PXDNL: variants seen among roughly 807,000 people sequenced by gnomAD.
PXDNL encodes the protein probable oxidoreductase PXDNL.
A neutral mutation model predicts 150.8 loss-of-function variants in PXDNL; 145 were observed. The observed-to-expected ratio is 0.96, with a 90% confidence interval of 0.84 to 1.10. The LOEUF (loss-of-function observed/expected upper bound fraction) is 1.10, where lower values mean the gene tolerates loss of function less well. Ranked by LOEUF, PXDNL falls within the 50% of genes least tolerant of loss-of-function variation. The pLI, the probability that PXDNL is intolerant of heterozygous loss-of-function variation, is 0.00. For missense variants in PXDNL, 2,087 were observed against 1,873.9 expected (o/e 1.11, Z -2.10); for synonymous variants, 757 against 725.7 (o/e 1.04, Z -0.69).
At chr8:51,539,256 T>A (rs974076385) in intron 4 of PXDNL, among the ~76,000 whole-genome samples, 1 of 152,082 alleles carries the variant, frequency 6.6e-6, no homozygotes, top group African/African-American at 2.4e-5. Flanking sequence ...TCTGTTAATA[T>A]AATAAATTAC....
At chr8:51,395,834 G>A (rs193127170) in intron 17 of PXDNL, among the ~76,000 whole-genome samples, 4 of 152,294 alleles carry the variant, frequency 2.6e-5, no homozygotes, top group Middle Eastern at 3.4e-3. Context: ...ACTGCCTAAT[G>A]AGACCCATAC....
intron 9 of PXDNL, among the ~76,000 whole-genome samples, chr8:51,455,966 G>T (rs777811822): frequency 2.0e-5 from 3 of 152,132 alleles, no homozygotes; most frequent in Non-Finnish European, 4.4e-5. Context: ...GCTAACTCAA[G>T]TGTCTTTTTT....
intron 3 of PXDNL, among the ~76,000 whole-genome samples, chr8:51,589,466 T>G (rs902748516): frequency 1.3e-5 from 2 of 152,204 alleles, no homozygotes; most frequent in African/African-American, 4.8e-5. Flanking sequence ...AGGTATGGAA[T>G]GTCTTAGATA....
intron 12 of PXDNL, among the ~76,000 whole-genome samples, chr8:51,444,019 G>A (rs1049796774): frequency 2.0e-5 from 3 of 152,040 alleles, no homozygotes; most frequent in African/African-American, 4.8e-5. Context: ...TTTAACTTTA[G>A]GTAGCTTCTT....
intron 1 of PXDNL, among the ~76,000 whole-genome samples, chr8:51,673,818 G>A (rs765379337): frequency 6.6e-6 from 1 of 152,102 alleles, no homozygotes; most frequent in Non-Finnish European, 1.5e-5. Context: ...CAGGCCTTCA[G>A]CAATTTAGAC....
At chr8:51,378,828 A>C (rs1204165081) in intron 17 of PXDNL, among the ~76,000 whole-genome samples, 2 of 152,136 alleles carry the variant, frequency 1.3e-5, no homozygotes, top group East Asian at 1.9e-4. Context: ...CTATGAACCC[A>C]CCAGAAGGAA....
chr8:51,541,894 C>A (rs781204134), intron 4 of PXDNL, among the ~76,000 whole-genome samples: 1 of 152,092 alleles, frequency 6.6e-6, no homozygotes, highest in Non-Finnish European at 1.5e-5. Flanking sequence ...TCATTTTCTA[C>A]GAGTTTTTTT....
intron 12 of PXDNL, among the ~76,000 whole-genome samples, chr8:51,442,767 A>G (rs999402626): frequency 1.3e-5 from 2 of 151,978 alleles, no homozygotes; most frequent in African/African-American, 4.8e-5. Flanking sequence ...CTATGATTAC[A>G]TTTATTTATT....
At chr8:51,371,733 C>T (rs1453913140) in intron 19 of PXDNL, 140 bp downstream of exon 19, 13 of 765,806 alleles carry the variant, frequency 1.7e-5, no homozygotes, top group African/African-American at 5.2e-5. Context: ...CATCATCTGT[C>T]AGATTTCCAA....
chr8:51,397,214 A>G (rs768622242), intron 17 of PXDNL, among the ~76,000 whole-genome samples: 8 of 152,344 alleles, frequency 5.3e-5, no homozygotes, highest in Admixed American at 2.0e-4. Flanking sequence ...AACAATTCCA[A>G]TTTTAGTACC....
chr8:51,487,947 G>A (rs10283114), intron 5 of PXDNL, among the ~76,000 whole-genome samples: 1,973 of 152,262 alleles, frequency 0.013, 36 homozygotes, highest in African/African-American at 0.044. Context: ...CACATTACTC[G>A]ACTATGTGCA....
At chr8:51,559,330 AC>A (rs59230172) in intron 3 of PXDNL, among the ~76,000 whole-genome samples, 4,266 of 97,184 alleles carry the variant, frequency 0.044, 83 homozygotes, top group East Asian at 0.072. Context: ...TTTCTTCCAA[AC>A]CCCCCCCCCC....
At position 51,531,427 on chromosome 8, in the gene PXDNL, C is replaced by T. The variant is rs540043707; in HGVS notation, c.380+25413G>A. ...GAAGCCGGGGAGTGGATAACCTGTC[C>T]GCCAGCCATCAGCCCCTGAGGGCCA... On this transcript the variant is annotated intron_variant, in intron 4 of 22. Transcript: ENST00000356297. Among the ~76,000 whole-genome samples, 18 of 152,302 alleles carry T rather than the reference C, an allele frequency of 1.2e-4. No individual in the cohort carries two copies. The East Asian group carries it at 2.7e-3, about 23-fold the overall frequency.
rs1470363377 is a variant in PXDNL at position 51,486,615 on chromosome 8, TCTTC to T, written c.453-2905_453-2902del. Among the ~76,000 whole-genome samples the T allele has an allele frequency of 6.7e-5, 10 of 150,204 alleles. 1 individual carries two copies. Among genetic ancestry groups the T allele is most frequent in the Admixed American group, 1.3e-4 (2 of 15,104 alleles). On this transcript the variant is annotated intron_variant, in intron 5 of 22. Transcript: ENST00000356297. ...ATGCTTGTAGTTTCCTTTTTTTCTTTCTTCTTTCCAACTTTCCTGAAATTAATTT... is the reference window on the plus strand; with the variant it reads ...ATGCTTGTAGTTTCCTTTTTTTCTTTTTTCCAACTTTCCTGAAATTAATTT...
intron 4 of PXDNL, among the ~76,000 whole-genome samples, chr8:51,517,010 T>A (rs1031339209): frequency 1.3e-5 from 2 of 152,218 alleles, no homozygotes; most frequent in Non-Finnish European, 2.9e-5. Context: ...TTCTGTATAT[T>A]CTTCCTTTTA....
At chr8:51,574,370 A>T (rs1379309857) in intron 3 of PXDNL, among the ~76,000 whole-genome samples, 5 of 152,026 alleles carry the variant, frequency 3.3e-5, no homozygotes, top group African/African-American at 1.2e-4. Context: ...AATCTGAACC[A>T]CAGAGAGAAG....
chr8:51,589,555 G>A (rs570800382), intron 3 of PXDNL, among the ~76,000 whole-genome samples: 3 of 152,318 alleles, frequency 2.0e-5, no homozygotes, highest in South Asian at 2.1e-4. Flanking sequence ...CAGAAATGAA[G>A]AACAAGTTAT....
At chr8:51,423,065 G>A (rs987981256) in intron 14 of PXDNL, among the ~76,000 whole-genome samples, 1 of 152,206 alleles carries the variant, frequency 6.6e-6, no homozygotes, top group African/African-American at 2.4e-5. Flanking sequence ...TAACCAGATT[G>A]GTGATAGAAT....
At chr8:51,581,385 A>G (rs1463262243) in intron 3 of PXDNL, among the ~76,000 whole-genome samples, 1 of 152,126 alleles carries the variant, frequency 6.6e-6, no homozygotes, top group East Asian at 1.9e-4. Flanking sequence ...GCTACTCAAG[A>G]GGTTAAGGCA....
Sources: allele counts gnomAD v4.1 joint callset (sites outside exome capture counted in the v4.1 genomes callset), GRCh38; gene constraint gnomAD v4.1.1; transcripts MANE v1.5; gene names NCBI Gene and HGNC (gene_info 2026-07-23, HGNC 2026-07-21).